Variants in AUTS2 observed in about 807,000 individuals in gnomAD.
AUTS2 encodes the protein autism susceptibility gene 2 protein.
In AUTS2, 17 loss-of-function variants were observed where a neutral mutation model predicts 112.4. The ratio of observed to expected loss-of-function variants is 0.15; its 90% confidence interval spans 0.10 to 0.23. AUTS2 has a LOEUF of 0.23. Among genes scored for constraint, AUTS2 ranks in the 10% least tolerant of loss-of-function variants. AUTS2 has a pLI of 1.00. For synonymous variants in AUTS2, 751 were observed against 702.7 expected, an observed-to-expected ratio of 1.07 and a Z score of -1.09; for missense variants, 1,510 against 1,701.6, an observed-to-expected ratio of 0.89 and a Z score of 1.98.
chr7:70,732,363 C>T (rs549036845), intron 6 of AUTS2, among the ~76,000 whole-genome samples: 5 of 152,184 alleles, frequency 3.3e-5, no homozygotes, highest in African/African-American at 1.2e-4. Flanking sequence ...CTGAGCACTT[C>T]CCTAGAGAAG....
At position 69,688,118 on chromosome 7, in the gene AUTS2, T is replaced by C. The variant is rs536541592; in HGVS notation, c.309+88156T>C. ...GCATTTGAACAATTTATGAAACTTATGTTTACATGTGTATTAAACAGCCTG... is the reference window on the plus strand; with the variant it reads ...GCATTTGAACAATTTATGAAACTTACGTTTACATGTGTATTAAACAGCCTG... On this transcript the variant is annotated intron_variant, in intron 1 of 18. Coordinates refer to ENST00000342771, the MANE Select transcript of AUTS2 (RefSeq NM_015570.4). Among the ~76,000 whole-genome samples the C allele has an allele frequency of 5.2e-5, 8 of 152,386 alleles. No homozygotes were observed. In the East Asian group the frequency reaches 1.3e-3, roughly 26 times the overall value.
chr7:69,701,599 AG>A (rs2129188627), intron 1 of AUTS2, among the ~76,000 whole-genome samples: 1 of 152,374 alleles, frequency 6.6e-6, no homozygotes, highest in South Asian at 2.1e-4. Context: ...GCATTGTGAA[AG>A]GGGGAACTGT....
chr7:70,188,787 T>TC lies in AUTS2; in HGVS notation c.660+54216_660+54217insC, dbSNP rs529860846. 5.0e-3 allele frequency among the ~76,000 whole-genome samples: 751 copies of TC among 150,738 alleles called. 12 individuals are homozygous for TC. Among genetic ancestry groups the TC allele is most frequent in the African/African-American group, 0.017 (695 of 41,142 alleles). ...GTTTTCTTTTCTTTCTTTCTTTCTT[T>TC]TTTTTTTTTTTGAGACGGAGTTGCG... On this transcript the variant is annotated intron_variant, in intron 4 of 18. Transcript: ENST00000342771.
rs767250093 is a variant in AUTS2 at position 70,789,910 on chromosome 7, G to A, written c.2694G>A (p.Ser898=). The change falls in exon 19 of 19, where the codon TCG becomes TCA. Residue 898 remains serine, a synonymous_variant. Transcript: ENST00000342771. ...CCAAAGAGAGGGAGAGAGACCACTC[G>A]GAATCCCGCAAGGACCTGGCCGCCG... The part of the protein sequence containing the change: ...DKPKERERDH[S]ESRKDLAADE... 6 of 1,614,078 alleles carry A rather than the reference G, an allele frequency of 3.7e-6. No homozygotes were observed. Among genetic ancestry groups the A allele is most frequent in the Non-Finnish European group, 5.1e-6 (6 of 1,180,022 alleles).
At chr7:69,646,946 C>T (rs1449316812) in intron 1 of AUTS2, among the ~76,000 whole-genome samples, 1 of 152,048 alleles carries the variant, frequency 6.6e-6, no homozygotes, top group Non-Finnish European at 1.5e-5. Context: ...AAATTAGCCG[C>T]GCGTAGTGGC....
chr7:69,715,623 C>T (rs748016838), intron 1 of AUTS2, among the ~76,000 whole-genome samples: 16 of 152,076 alleles, frequency 1.1e-4, no homozygotes, highest in African/African-American at 2.4e-4. Context: ...ATGGAGTCAG[C>T]GTAGGCAGTC....
At chr7:69,681,931 A>C (rs947228004) in intron 1 of AUTS2, among the ~76,000 whole-genome samples, 1 of 152,186 alleles carries the variant, frequency 6.6e-6, no homozygotes, top group African/African-American at 2.4e-5. Flanking sequence ...CCTGGGTTCA[A>C]ATCCTCCATT....
intron 1 of AUTS2, among the ~76,000 whole-genome samples, chr7:69,640,263 G>A (rs531974408): frequency 6.6e-6 from 1 of 152,186 alleles, no homozygotes; most frequent in Non-Finnish European, 1.5e-5. Flanking sequence ...GGCTATAAAA[G>A]AAATAGTGTC....
chr7:69,733,412 T>C (rs997433649), intron 1 of AUTS2, among the ~76,000 whole-genome samples: 1 of 152,162 alleles, frequency 6.6e-6, no homozygotes, highest in African/African-American at 2.4e-5. Flanking sequence ...TCTGAAAAAG[T>C]GATGACCAAT....
At chr7:70,385,300 A>C (rs1262326321) in intron 4 of AUTS2, among the ~76,000 whole-genome samples, 1 of 152,234 alleles carries the variant, frequency 6.6e-6, no homozygotes, top group African/African-American at 2.4e-5. Context: ...CATTCATAAA[A>C]AGAAAAGCCA....
intron 2 of AUTS2, among the ~76,000 whole-genome samples, chr7:70,047,176 G>A (rs1295979919): frequency 2.0e-5 from 3 of 152,140 alleles, no homozygotes; most frequent in African/African-American, 7.2e-5. Context: ...TGGTATTTAA[G>A]AAATATGTCT....
chr7:70,194,576 G>A (rs1471526442), intron 4 of AUTS2: 3 of 152,148 alleles, frequency 2.0e-5, no homozygotes, highest in Admixed American at 1.3e-4. Context: ...CTAGGCAAGG[G>A]TGAAGATGAA....
chr7:70,644,003 G>A (rs1413378651), intron 5 of AUTS2, among the ~76,000 whole-genome samples: 2 of 152,110 alleles, frequency 1.3e-5, no homozygotes, highest in Non-Finnish European at 2.9e-5. Flanking sequence ...TACGGCCTGA[G>A]AATTTGCTTT....
chr7:70,635,819 C>G lies in AUTS2; in HGVS notation c.691-62750C>G, dbSNP rs78060511. Among the ~76,000 whole-genome samples, 18 of 152,278 alleles carry G rather than the reference C, an allele frequency of 1.2e-4. No individual in the cohort carries two copies. The East Asian group carries it at 3.3e-3, about 28-fold the overall frequency. On this transcript the variant is annotated intron_variant, in intron 5 of 18. Coordinates refer to ENST00000342771, the MANE Select transcript of AUTS2 (RefSeq NM_015570.4). Reference sequence around the variant, plus strand: ...AGGTAACTCTGGCCCCAAGATGGACCCTAGGAGAGACTTTGACACACAATT... The same window carrying G: ...AGGTAACTCTGGCCCCAAGATGGACGCTAGGAGAGACTTTGACACACAATT...
At chr7:70,297,212 C>T (rs1788983230) in intron 4 of AUTS2, among the ~76,000 whole-genome samples, 2 of 151,698 alleles carry the variant, frequency 1.3e-5, no homozygotes, top group South Asian at 2.1e-4. Flanking sequence ...GAATCCTTGA[C>T]CCAGTAGCCA....
chr7:69,936,540 G>C (rs977517438), intron 2 of AUTS2, among the ~76,000 whole-genome samples: 2 of 152,060 alleles, frequency 1.3e-5, no homozygotes, highest in Non-Finnish European at 2.9e-5. Context: ...TGGTAGAGAT[G>C]GGGTTTCACC....
chr7:70,590,130 G>T (rs1802871534), intron 5 of AUTS2, among the ~76,000 whole-genome samples: 1 of 119,830 alleles, frequency 8.3e-6, no homozygotes, highest in Non-Finnish European at 1.8e-5. Context: ...ATTTGTGTGT[G>T]TGTGTGTGTG....
chr7:70,753,732 G>A (rs1789006889), intron 6 of AUTS2, among the ~76,000 whole-genome samples: 1 of 152,196 alleles, frequency 6.6e-6, no homozygotes, highest in African/African-American at 2.4e-5. Context: ...AACTTAGCAG[G>A]GGGAATTTAA....
At chr7:70,161,558 T>C (rs1185584912) in intron 4 of AUTS2, among the ~76,000 whole-genome samples, 1 of 150,062 alleles carries the variant, frequency 6.7e-6, no homozygotes, top group Admixed American at 6.7e-5. Flanking sequence ...TTATGGCCTT[T>C]TATTCTTACA....
Sources: gnomAD v4.1 joint callset for allele counts (sites outside exome capture counted in the v4.1 genomes callset) on GRCh38, gnomAD v4.1.1 for gene constraint, MANE v1.5 for transcripts, NCBI Gene and HGNC (gene_info 2026-07-23, HGNC 2026-07-21) for gene names.